GSDMC: variants seen among roughly 807,000 people sequenced by gnomAD.
GSDMC encodes gasdermin C.
GSDMC carries 59 observed loss-of-function variants against 58.0 expected under a neutral mutation model. The observed-to-expected ratio is 1.02, with a 90% confidence interval of 0.82 to 1.26. The LOEUF is 1.26. Ranked by LOEUF, GSDMC falls within the 50% of genes most tolerant of loss-of-function variation. The pLI, the probability that GSDMC is intolerant of heterozygous loss-of-function variation, is 0.00. For synonymous variants in GSDMC, 241 were observed against 220.2 expected, an observed-to-expected ratio of 1.09 and a Z score of -0.83; for missense variants, 659 against 598.5, an observed-to-expected ratio of 1.10 and a Z score of -1.06.
At chr8:129,756,736 A>C (rs2033454513) in intron 6 of GSDMC, among the ~76,000 whole-genome samples, 1 of 152,178 alleles carries the variant, frequency 6.6e-6, no homozygotes, top group East Asian at 1.9e-4. Flanking sequence ...TAAAACTAGA[A>C]ATCAACAATA....
intron 13 of GSDMC, 40 bp downstream of exon 13, chr8:129,749,412 A>G (rs746132111): frequency 7.3e-7 from 1 of 1,375,452 alleles, no homozygotes; most frequent in African/African-American, 1.4e-5. Flanking sequence ...TGGTTCCCTC[A>G]CCCTCTTCCC....
At chr8:129,711,399 T>A in the GSDMC span, among the ~76,000 whole-genome samples, 1 of 152,188 alleles carries the variant, frequency 6.6e-6, no homozygotes, top group Non-Finnish European at 1.5e-5. Flanking sequence ...AAATCACACA[T>A]TTGGGAAGGA....
the GSDMC span, among the ~76,000 whole-genome samples, chr8:129,713,285 G>A: frequency 6.6e-6 from 1 of 152,218 alleles, no homozygotes; most frequent in African/African-American, 2.4e-5. Flanking sequence ...ACAGCTGTGT[G>A]TCTGTTTTCA....
intron 3 of GSDMC, among the ~76,000 whole-genome samples, chr8:129,768,155 A>C (rs74632615): frequency 0.12 from 18,712 of 152,192 alleles, 1,437 homozygotes; most frequent in Admixed American, 0.17. Flanking sequence ...CATCAACTAG[A>C]GAGTGTGAGC....
chr8:129,762,731 C>A lies in GSDMC; in HGVS notation c.571G>T (p.Gly191Cys), dbSNP rs2033715917. Residue 191 changes from glycine (G) to cysteine (C), a missense_variant and splice_region_variant, in exon 5 of 14, where the codon GGT becomes TGT. Gly to Cys is a radical substitution (Grantham distance 159). Coordinates refer to ENST00000276708, the MANE Select transcript of GSDMC (RefSeq NM_031415.3). Reference protein sequence around the residue: ...KIALWITYGKGQGQGESLRVK... With the variant: ...KIALWITYGKCQGQGESLRVK... Reference sequence around the variant, plus strand: ...CTGAGACTCTCTCCTTGGCCTTGACCCTGGGGAGAGAAACCAGACAATACA... The same window carrying A: ...CTGAGACTCTCTCCTTGGCCTTGACACTGGGGAGAGAAACCAGACAATACA... 1.2e-6 allele frequency: 2 copies of A among 1,603,306 alleles called. No homozygotes were observed. The highest frequency in any genetic ancestry group is 2.7e-5 in the African/African-American group (2 of 74,680).
rs1220057471 is a variant in GSDMC, at chr8:129,752,771, C to A, written c.771G>T (p.Gly257=). The change falls in exon 7 of 14, where the codon GGG becomes GGT. Residue 257 remains glycine (G), a synonymous_variant. Coordinates refer to ENST00000276708, the MANE Select transcript of GSDMC (RefSeq NM_031415.3). Reference sequence around the variant, plus strand: ...AGATGGTATGAAATGATGGTAGCAACCCCTCACTCCTCGCAGCACAGTAGC... The same window carrying A: ...AGATGGTATGAAATGATGGTAGCAAACCCTCACTCCTCGCAGCACAGTAGC... The part of the protein sequence containing the change: ...MVGYCAARSE[G]LLPSFHTISP... The A allele has an allele frequency of 3.7e-6, 6 of 1,614,072 alleles. No homozygotes were observed. The Admixed American group carries it at 5.0e-5, about 13-fold the overall frequency.
chr8:129,746,089 G>C (rs1247396214), downstream of GSDMC, among the ~76,000 whole-genome samples: 2 of 152,150 alleles, frequency 1.3e-5, no homozygotes, highest in African/African-American at 4.8e-5. Context: ...AGGGGAGAAG[G>C]TGGGAAGTGA....
chr8:129,724,431 C>T, the GSDMC span, among the ~76,000 whole-genome samples: 1 of 152,058 alleles, frequency 6.6e-6, no homozygotes, highest in South Asian at 2.1e-4. Flanking sequence ...ATTGATAACA[C>T]AATAGATAAT....
Position 129,752,685 on chromosome 8 carries a change from G to C in GSDMC, c.844+13C>G. The C allele has an allele frequency of 6.2e-7, 1 of 1,613,888 alleles. No individual in the cohort carries two copies. On this transcript the variant is annotated intron_variant, in intron 7 of 13. Transcript: ENST00000276708. ...CAACATAGAAGTAAAAATAAAGTGA[G>C]CAATCACAGTACCTGGTTTTAACTT...
At chr8:129,773,520 C>G (rs898431742) in intron 3 of GSDMC, among the ~76,000 whole-genome samples, 4 of 152,168 alleles carry the variant, frequency 2.6e-5, no homozygotes, top group Non-Finnish European at 4.4e-5. Context: ...CATGGTGGCT[C>G]TCACCTGTAA....
At position 129,750,076 on chromosome 8, in the gene GSDMC, G is replaced by C. The variant is rs781584471; in HGVS notation, c.1127C>G (p.Ala376Gly). The change falls in exon 12 of 14, where the codon GCC becomes GGC. Residue 376 changes from alanine to glycine, a missense_variant. Physicochemically the swap from Ala to Gly is moderately conservative, Grantham distance 60. Transcript: ENST00000276708. ...ATCCTGTTGAAGTTTCTTTAGGATG[G>C]CACCACCAGGGCCATCCAAATGACC... ...SSGHLDGPGG[A>G]ILKKLQQDSN... 15 of 1,607,380 alleles carry C rather than the reference G, an allele frequency of 9.3e-6. No individual in the cohort carries two copies. Among genetic ancestry groups the C allele is most frequent in the Admixed American group, 6.8e-5 (4 of 59,192 alleles).
chr8:129,728,971 A>C, the GSDMC span: 1 of 669,554 alleles, frequency 1.5e-6, no homozygotes, highest in Admixed American at 2.0e-5. Flanking sequence ...AACGAGAAGG[A>C]GCAGGAGCTG....
At chr8:129,752,657 C>A (rs745560879) in intron 7 of GSDMC, 41 bp downstream of exon 7, 3 of 1,609,002 alleles carry the variant, frequency 1.9e-6, no homozygotes, top group Non-Finnish European at 2.5e-6. Context: ...CAAAGAAAAG[C>A]ATCAACATAG....
rs185796520 is a variant in GSDMC, at chr8:129,784,328, T to C, written c.-5+1683A>G. The stretch of plus-strand genomic sequence containing the variant: ...AGAACCCACAGAATGGGAGAAAATA[T>C]TTGCAAACTTCCCATCTGATAAGGG... On this transcript the variant is annotated intron_variant, in intron 1 of 13. Transcript: ENST00000276708. Among the ~76,000 whole-genome samples, 12 of 152,140 alleles carry C rather than the reference T, an allele frequency of 7.9e-5. No individual in the cohort carries two copies. In the East Asian group the frequency reaches 1.7e-3, roughly 22 times the overall value.
the GSDMC span, among the ~76,000 whole-genome samples, chr8:129,739,152 G>A: frequency 6.6e-6 from 1 of 152,180 alleles, no homozygotes; most frequent in African/African-American, 2.4e-5. Context: ...CCATGTGCAC[G>A]TTCAAGGCAG....
chr8:129,779,244 C>T (rs1026272252), intron 1 of GSDMC, among the ~76,000 whole-genome samples: 9 of 152,056 alleles, frequency 5.9e-5, no homozygotes, highest in South Asian at 2.1e-4. Context: ...ATAAAGAAAA[C>T]GCGGTACATA....
At chr8:129,776,343 G>A (rs923588981) in intron 2 of GSDMC, 58 bp from the exon 3 acceptor site, 1 of 1,385,626 alleles carries the variant, frequency 7.2e-7, no homozygotes, top group Admixed American at 2.3e-5. Context: ...GAATTCAAAG[G>A]TTTAGCCAAG....
the GSDMC span, chr8:129,730,099 A>T: frequency 1.0e-6 from 1 of 993,682 alleles, no homozygotes; most frequent in South Asian, 1.7e-5. Context: ...AATTCTTGTA[A>T]CACTATTCAG....
rs1269582752 is a variant in GSDMC, at chr8:129,768,242, A to G, written c.405-2449T>C. The stretch of plus-strand genomic sequence containing the variant: ...AGGTTGGACTGACTGGTGAAGGTCT[A>G]TCTCTACTGATATGAACCTGTTAAG... On this transcript the variant is annotated intron_variant, in intron 3 of 13. Transcript: ENST00000276708. Among the ~76,000 whole-genome samples the G allele has an allele frequency of 9.9e-5, 15 of 152,244 alleles. No homozygotes were observed. The East Asian group carries it at 1.2e-3, about 12-fold the overall frequency.
Sources: allele counts gnomAD v4.1 joint callset (sites outside exome capture counted in the v4.1 genomes callset), GRCh38; gene constraint gnomAD v4.1.1; transcripts MANE v1.5; gene names NCBI Gene and HGNC (gene_info 2026-07-23, HGNC 2026-07-21).